The following FHIT variants were observed in gnomAD, a reference collection of about 807,000 sequenced individuals.
FHIT encodes the protein bis(5'-adenosyl)-triphosphatase.
Under a neutral mutation model 17.9 loss-of-function variants are expected in FHIT, and 19 were observed. That is an observed-to-expected ratio of 1.06 (90% CI 0.74 to 1.56). The LOEUF (loss-of-function observed/expected upper bound fraction) is 1.56, where lower values mean the gene tolerates loss of function less well. FHIT is among the 40% of genes most tolerant of loss of function. FHIT has a pLI of 0.00. For missense variants in FHIT, 248 were observed against 189.2 expected (o/e 1.31, Z -1.82); for synonymous variants, 81 against 69.7 (o/e 1.16, Z -0.81).
chr3:59,840,051 C>A (rs1051996164), intron 8 of FHIT, among the ~76,000 whole-genome samples: 1 of 152,116 alleles, frequency 6.6e-6, no homozygotes, highest in Non-Finnish European at 1.5e-5. Context: ...TGAGTGGGGG[C>A]TACAGAAAAG....
intron 5 of FHIT, among the ~76,000 whole-genome samples, chr3:60,161,427 G>A (rs1262915149): frequency 3.3e-5 from 5 of 152,136 alleles, no homozygotes; most frequent in Non-Finnish European, 5.9e-5. Context: ...GAATCTCCGG[G>A]TATTTCATGT....
At chr3:61,192,651 T>A (rs914610607) in intron 2 of FHIT, among the ~76,000 whole-genome samples, 4 of 152,224 alleles carry the variant, frequency 2.6e-5, no homozygotes, top group African/African-American at 9.6e-5. Flanking sequence ...CATCTTCACA[T>A]AATTAGCAGC....
chr3:60,139,801 C>T (rs1169919310), intron 5 of FHIT, among the ~76,000 whole-genome samples: 1 of 139,554 alleles, frequency 7.2e-6, no homozygotes, highest in Non-Finnish European at 1.5e-5. Flanking sequence ...CTCTCTTTAC[C>T]TTAAGTACCT....
intron 3 of FHIT, among the ~76,000 whole-genome samples, chr3:60,988,998 A>G (rs545402259): frequency 7.1e-6 from 1 of 140,272 alleles, no homozygotes; most frequent in Admixed American, 7.2e-5. Context: ...GTAACTGAGT[A>G]GAGACAGGAC....
chr3:61,177,831 T>C lies in FHIT; in HGVS notation c.-164+22786A>G, dbSNP rs566451981. 1.4e-4 allele frequency among the ~76,000 whole-genome samples: 22 copies of C among 152,318 alleles called. 1 individual carries two copies. The highest frequency in any genetic ancestry group is 2.5e-4 in the Non-Finnish European group (17 of 68,034). Reference sequence around the variant, plus strand: ...GCAATGTAATTAGGTAGTCCAACACTACATTTTGTCAAAAAATTCTGACAA... The same window carrying C: ...GCAATGTAATTAGGTAGTCCAACACCACATTTTGTCAAAAAATTCTGACAA... On this transcript the variant is annotated intron_variant, in intron 2 of 9. Transcript: ENST00000492590.
chr3:60,072,638 G>T (rs1447038660), intron 5 of FHIT, among the ~76,000 whole-genome samples: 1 of 144,364 alleles, frequency 6.9e-6, no homozygotes, highest in Admixed American at 6.7e-5. Flanking sequence ...AAAAGTCAAG[G>T]ACTTGCCCAG....
At chr3:61,069,593 G>A (rs2034732849) in intron 2 of FHIT, among the ~76,000 whole-genome samples, 1 of 152,260 alleles carries the variant, frequency 6.6e-6, no homozygotes, top group East Asian at 1.9e-4. Flanking sequence ...ACCAAATTAA[G>A]GAAGTAATTT....
intron 5 of FHIT, among the ~76,000 whole-genome samples, chr3:60,436,195 G>A (rs2030222316): frequency 6.6e-6 from 1 of 151,954 alleles, no homozygotes; most frequent in Non-Finnish European, 1.5e-5. Context: ...TTACAGGTAT[G>A]CGCCACCACA....
chr3:61,250,023 T>C (rs113083171), intron 1 of FHIT, among the ~76,000 whole-genome samples: 2,334 of 151,256 alleles, frequency 0.015, 65 homozygotes, highest in African/African-American at 0.054. Flanking sequence ...TAAATATTTC[T>C]AGTCCAGGTT....
intron 3 of FHIT, among the ~76,000 whole-genome samples, chr3:60,929,288 T>C (rs1466056282): frequency 3.3e-5 from 5 of 152,176 alleles, no homozygotes; most frequent in East Asian, 1.9e-4. Context: ...AGCACTCCCT[T>C]TGAAAACTGG....
At chr3:59,753,964 C>T (rs1464412734) in intron 8 of FHIT, among the ~76,000 whole-genome samples, 1 of 151,966 alleles carries the variant, frequency 6.6e-6, no homozygotes, top group South Asian at 2.1e-4. Context: ...ATTAAAATAT[C>T]GACTTTTTAA....
intron 2 of FHIT, among the ~76,000 whole-genome samples, chr3:61,172,594 C>T (rs2107138311): frequency 6.6e-6 from 1 of 152,208 alleles, no homozygotes; most frequent in African/African-American, 2.4e-5. Context: ...TGAAGAATTC[C>T]TAAAAAGTAG....
At chr3:60,442,369 T>A (rs895742658) in intron 5 of FHIT, among the ~76,000 whole-genome samples, 1 of 152,118 alleles carries the variant, frequency 6.6e-6, no homozygotes, top group Admixed American at 6.6e-5. Flanking sequence ...CTGAATGGTA[T>A]TGCCTAGGTT....
chr3:59,773,044 C>A (rs938701420), intron 8 of FHIT, among the ~76,000 whole-genome samples: 1 of 152,218 alleles, frequency 6.6e-6, no homozygotes, highest in Non-Finnish European at 1.5e-5. Flanking sequence ...ACAAACAATG[C>A]TCATCTCCCT....
intron 5 of FHIT, among the ~76,000 whole-genome samples, chr3:60,201,849 A>G (rs1381544657): frequency 6.0e-3 from 3 of 504 alleles, no homozygotes; most frequent in African/African-American, 0.25. Flanking sequence ...TCTCAGGGAG[A>G]AAAAAAAAAA....
chr3:59,976,108 T>A (rs1708398538), intron 7 of FHIT, among the ~76,000 whole-genome samples: 1 of 152,052 alleles, frequency 6.6e-6, no homozygotes, highest in Non-Finnish European at 1.5e-5. Flanking sequence ...CTGCATCTTA[T>A]CCCATAGGGT....
At chr3:60,541,429 G>C (rs1427151540) in intron 4 of FHIT, among the ~76,000 whole-genome samples, 4 of 152,154 alleles carry the variant, frequency 2.6e-5, no homozygotes, top group African/African-American at 9.7e-5. Context: ...CTTCCTTAGA[G>C]TCTTAGCTGT....
intron 5 of FHIT, among the ~76,000 whole-genome samples, chr3:60,473,823 C>T (rs1369068232): frequency 1.3e-5 from 2 of 151,486 alleles, no homozygotes; most frequent in African/African-American, 4.9e-5. Context: ...CTCAGGAGGC[C>T]GAGGCAGGAG....
intron 5 of FHIT, among the ~76,000 whole-genome samples, chr3:60,505,945 C>T (rs921010985): frequency 1.2e-4 from 18 of 152,146 alleles, no homozygotes; most frequent in Admixed American, 1.0e-3. Context: ...CATGCCAACC[C>T]ACCTCTGCTT....
Sources: allele counts gnomAD v4.1 joint callset (sites outside exome capture counted in the v4.1 genomes callset), GRCh38; gene constraint gnomAD v4.1.1; transcripts MANE v1.5; gene names NCBI Gene and HGNC (gene_info 2026-07-23, HGNC 2026-07-21).